NUP160: variants seen among roughly 807,000 people sequenced by gnomAD.
The protein encoded by NUP160 is nucleoporin 160.
In NUP160, 94 loss-of-function variants were observed where a neutral mutation model predicts 196.9. The observed-to-expected ratio is 0.48, with a 90% CI of 0.40 to 0.57. The LOEUF (loss-of-function observed/expected upper bound fraction) is 0.57, where lower values mean the gene tolerates loss of function less well. NUP160 is among the 20% of genes least tolerant of loss of function. The pLI is 0.00. For synonymous variants in NUP160, 605 were observed against 619.7 expected (o/e 0.98, Z 0.35); for missense variants, 1,638 against 1,748.3 (o/e 0.94, Z 1.13).
chr11:47,818,545 A>AAAAC (rs1851785687), intron 10 of NUP160, among the ~76,000 whole-genome samples: 1 of 128,210 alleles, frequency 7.8e-6, no homozygotes, highest in Non-Finnish European at 1.9e-5. Context: ...ATATGCAAAC[A>AAAAC]AAACAAAACA....
rs561784843 is a variant in NUP160, at chr11:47,824,027, A to G, written c.1102-1863T>C. On this transcript the variant is annotated intron_variant, in intron 7 of 35. Transcript: ENST00000378460. ...CTTTTGCATATATATATATATATAT[A>G]TATATATATATATATATATATATAT... 5.9e-3 allele frequency among the ~76,000 whole-genome samples: 697 copies of G among 117,640 alleles called. 18 individuals carry two copies. Among genetic ancestry groups the G allele is most frequent in the African/African-American group, 0.018 (595 of 32,738 alleles). 77.2% of individuals were successfully genotyped at this position (117,640 alleles called of 152,430 possible).
chr11:47,808,414 T>C (rs1565196126), exon 18 of NUP160: 1 of 1,613,290 alleles, frequency 6.2e-7, no homozygotes, highest in East Asian at 2.2e-5. Context: ...AAGTGGAACA[T>C]CAGTTGCCAA....
At chr11:47,834,395 T>G (rs553159302) in intron 7 of NUP160, among the ~76,000 whole-genome samples, 1 of 152,148 alleles carries the variant, frequency 6.6e-6, no homozygotes, top group Non-Finnish European at 1.5e-5. Flanking sequence ...AGGAGATGGA[T>G]AGGTATGTTC....
At chr11:47,794,215 C>T (rs978336635) in intron 27 of NUP160, among the ~76,000 whole-genome samples, 3 of 152,184 alleles carry the variant, frequency 2.0e-5, no homozygotes, top group South Asian at 2.1e-4. Context: ...GTCAAGATAG[C>T]GGGCGCGGTG....
At chr11:47,781,307 G>A (rs1159459046) in intron 34 of NUP160, among the ~76,000 whole-genome samples, 1 of 151,372 alleles carries the variant, frequency 6.6e-6, no homozygotes, top group Admixed American at 6.6e-5. Flanking sequence ...CTGTCACTCA[G>A]GCTGGAGTGT....
exon 31 of NUP160, chr11:47,788,247 A>C (rs375538462): frequency 1.2e-6 from 2 of 1,613,728 alleles, no homozygotes; most frequent in African/African-American, 1.3e-5. Flanking sequence ...GTGATATGGC[A>C]GTGTCAAAGA....
chr11:47,813,038 A>C, exon 15 of NUP160: 4 of 1,605,668 alleles, frequency 2.5e-6, no homozygotes, highest in Non-Finnish European at 3.4e-6. Context: ...ATCCCGAGCG[A>C]TGTCCACATC....
At chr11:47,801,773 C>T (rs2097674303) in intron 23 of NUP160, 38 bp downstream of exon 23, 1 of 1,580,746 alleles carries the variant, frequency 6.3e-7, no homozygotes, top group Non-Finnish European at 8.6e-7. Flanking sequence ...TGTGTTTTTA[C>T]ACAGGGTGGT....
intron 9 of NUP160, 50 bp from the exon 10 acceptor site, chr11:47,819,508 G>A: frequency 7.6e-7 from 1 of 1,322,394 alleles, no homozygotes; most frequent in South Asian, 1.2e-5. Flanking sequence ...CACTAAAAAT[G>A]AAATGTATGC....
intron 29 of NUP160, among the ~76,000 whole-genome samples, chr11:47,789,682 ATATAGTATATAACGTTACTACTATG>A (rs1350758436): frequency 1.3e-5 from 2 of 151,672 alleles, no homozygotes; most frequent in Non-Finnish European, 2.9e-5. Context: ...TATATATAAT[ATATAGTATATAACGTTACTACTATG>A]TATAGTATAT....
intron 2 of NUP160, among the ~76,000 whole-genome samples, chr11:47,841,013 C>CAT (rs1250371988): frequency 7.2e-6 from 1 of 139,298 alleles, no homozygotes; most frequent in South Asian, 2.2e-4. Context: ...CATGCGCACA[C>CAT]ATATACACAC....
rs1385220430 is a variant in NUP160, at chr11:47,821,955, T to A, written c.1179+132A>T. Reference sequence around the variant, plus strand: ...GGTACCACATGAATTTGGTAAAGTCTAAATGAAATTTTGTTCCATATATCA... The same window carrying A: ...GGTACCACATGAATTTGGTAAAGTCAAAATGAAATTTTGTTCCATATATCA... On this transcript the variant is annotated intron_variant, in intron 8 of 35. Transcript: ENST00000378460. 3 of 984,700 alleles carry A rather than the reference T, an allele frequency of 3.0e-6. No individual in the cohort carries two copies. In the African/African-American group the frequency reaches 4.9e-5, roughly 16 times the overall value. The allele number at this position is 984,700 out of a possible 1,614,324, so 61.0% of individuals were successfully genotyped here.
At chr11:47,841,703 T>G (rs11605503) in intron 2 of NUP160, 47,978 of 287,536 alleles carry the variant, frequency 0.17, 4,823 homozygotes, top group Non-Finnish European at 0.21. Flanking sequence ...TTGTTTGTTT[T>G]TTTTTTGAGA....
intron 8 of NUP160, 129 bp downstream of exon 8, chr11:47,821,958 A>G (rs1851867068): frequency 1.0e-6 from 1 of 991,280 alleles, no homozygotes; most frequent in Non-Finnish European, 1.5e-6. Flanking sequence ...TAAAGTCTAA[A>G]TGAAATTTTG....
chr11:47,834,074 C>G (rs912098575), intron 7 of NUP160, among the ~76,000 whole-genome samples: 3 of 152,068 alleles, frequency 2.0e-5, no homozygotes, highest in Admixed American at 6.6e-5. Context: ...GGATTACCCC[C>G]CAAAACAGTA....
chr11:47,789,933 T>C (rs1289379777), intron 29 of NUP160, among the ~76,000 whole-genome samples: 1 of 150,094 alleles, frequency 6.7e-6, no homozygotes, highest in African/African-American at 2.4e-5. Flanking sequence ...TTTTGTATTT[T>C]ATATACTGTA....
chr11:47,809,954 G>C (rs2097680174), intron 17 of NUP160, among the ~76,000 whole-genome samples: 2 of 151,840 alleles, frequency 1.3e-5, no homozygotes, highest in Admixed American at 1.3e-4. Flanking sequence ...TCACTGGGTA[G>C]AAAATTATAA....
intron 19 of NUP160, among the ~76,000 whole-genome samples, chr11:47,806,790 TACACACACAC>T (rs57141346): frequency 0.05 from 5,640 of 111,722 alleles, 157 homozygotes; most frequent in South Asian, 0.095. Context: ...AAAGCAGCTA[TACACACACAC>T]ACACACACAC....
intron 23 of NUP160, among the ~76,000 whole-genome samples, chr11:47,799,678 T>C (rs893654481): frequency 1.1e-4 from 17 of 152,076 alleles, no homozygotes; most frequent in East Asian, 3.9e-4. Context: ...CCTGAGCAGC[T>C]GGGACCACAG....
Sources: allele counts gnomAD v4.1 joint callset (sites outside exome capture counted in the v4.1 genomes callset), GRCh38; gene constraint gnomAD v4.1.1; transcripts MANE v1.5; gene names NCBI Gene and HGNC (gene_info 2026-07-23, HGNC 2026-07-21).